DIP2C: variants seen among roughly 807,000 people sequenced by gnomAD.
DIP2C encodes disco-interacting protein 2 homolog C.
DIP2C carries 33 observed loss-of-function variants against 192.4 expected under a neutral mutation model. The observed-to-expected ratio is 0.17, with a 90% CI of 0.13 to 0.23. The LOEUF is 0.23. Among genes scored for constraint, DIP2C ranks in the 10% least tolerant of loss-of-function variants. The pLI is 1.00. For synonymous variants in DIP2C, 979 were observed against 864.1 expected (o/e 1.13, Z -2.33); for missense variants, 1,537 against 2,110.1 (o/e 0.73, Z 5.32).
chr10:434,544 G>A (rs112424118), intron 4 of DIP2C, among the ~76,000 whole-genome samples: 6 of 152,168 alleles, frequency 3.9e-5, no homozygotes, highest in African/African-American at 1.4e-4. Flanking sequence ...GAGTGTTAGG[G>A]TGACAGGTGT....
chr10:649,318 C>T (rs561887330), intron 1 of DIP2C, among the ~76,000 whole-genome samples: 13 of 149,820 alleles, frequency 8.7e-5, no homozygotes, highest in Non-Finnish European at 1.8e-4. Flanking sequence ...ACTGAGTCCA[C>T]GTCCACATTG....
intron 29 of DIP2C, among the ~76,000 whole-genome samples, chr10:330,980 T>C (rs1336561918): frequency 0.2 from 69 of 342 alleles, no homozygotes; most frequent in Admixed American, 0.22. Flanking sequence ...CCTGGCTAAT[T>C]TTTTTTTTTT....
chr10:622,874 G>A (rs1241709853), intron 1 of DIP2C, among the ~76,000 whole-genome samples: 1 of 152,204 alleles, frequency 6.6e-6, no homozygotes, highest in Non-Finnish European at 1.5e-5. Context: ...GGTATGGGGT[G>A]ATGGGGATAC....
rs564999275 is a variant in DIP2C, at chr10:339,908, G to C, written c.3584+1291C>G. Among the ~76,000 whole-genome samples the C allele has an allele frequency of 4.0e-4, 61 of 152,278 alleles. 1 individual carries two copies. In the South Asian group the frequency reaches 0.012, roughly 31 times the overall value. ...ATTTGTTCCAGAAGAGTGTTGACAG[G>C]AGAAAAAAATCTGACTGGGTGCGGT... On this transcript the variant is annotated intron_variant, in intron 29 of 36. Coordinates refer to ENST00000280886, the MANE Select transcript of DIP2C (RefSeq NM_014974.3).
intron 1 of DIP2C, among the ~76,000 whole-genome samples, chr10:616,903 G>C (rs1853506686): frequency 6.6e-6 from 1 of 152,208 alleles, no homozygotes; most frequent in Non-Finnish European, 1.5e-5. Flanking sequence ...TAACAGGCCA[G>C]ACAGGACAAG....
At chr10:474,132 T>C (rs541407460) in intron 2 of DIP2C, among the ~76,000 whole-genome samples, 2 of 152,236 alleles carry the variant, frequency 1.3e-5, no homozygotes, top group African/African-American at 4.8e-5. Flanking sequence ...AGATGCATTT[T>C]AGGAAATCAA....
intron 1 of DIP2C, among the ~76,000 whole-genome samples, chr10:583,653 C>T (rs921712706): frequency 2.0e-5 from 3 of 152,232 alleles, no homozygotes; most frequent in Admixed American, 6.5e-5. Flanking sequence ...GATCTGTGCA[C>T]GCCAAGCAGC....
At chr10:580,975 T>C (rs1850609784) in intron 1 of DIP2C, among the ~76,000 whole-genome samples, 1 of 152,184 alleles carries the variant, frequency 6.6e-6, no homozygotes, top group African/African-American at 2.4e-5. Flanking sequence ...CAAAGCCTCT[T>C]ATTTAATCGA....
intron 1 of DIP2C, among the ~76,000 whole-genome samples, chr10:647,005 G>A (rs182700590): frequency 2.6e-5 from 4 of 152,368 alleles, no homozygotes; most frequent in East Asian, 3.9e-4. Flanking sequence ...CAAGCTGGGC[G>A]AGAACAGAGG....
chr10:687,192 AAC>A lies in DIP2C; in HGVS notation c.85+2300_85+2301del, dbSNP rs564897194. The stretch of plus-strand genomic sequence containing the variant: ...TTTTTGAAGTCCAATAACATAAAGA[AAC>A]ACAGAATTTTGATCCTTCAATTCTT... On this transcript the variant is annotated intron_variant, in intron 1 of 36. Coordinates refer to ENST00000280886, the MANE Select transcript of DIP2C (RefSeq NM_014974.3). Among the ~76,000 whole-genome samples, 309 of 152,366 alleles carry A rather than the reference AAC, an allele frequency of 2.0e-3. 3 individuals carry two copies. The highest frequency in any genetic ancestry group is 6.7e-3 in the African/African-American group (277 of 41,574).
intron 31 of DIP2C, among the ~76,000 whole-genome samples, chr10:310,639 A>T (rs566534576): frequency 6.6e-6 from 1 of 152,298 alleles, no homozygotes; most frequent in South Asian, 2.1e-4. Flanking sequence ...CAGGTCAGGG[A>T]AGGGGCATTT....
At chr10:531,738 C>T (rs1206654966) in intron 1 of DIP2C, among the ~76,000 whole-genome samples, 5 of 152,036 alleles carry the variant, frequency 3.3e-5, no homozygotes, top group Admixed American at 6.5e-5. Context: ...CGCTCTGCCG[C>T]GGGACCATGA....
chr10:376,090 GCT>G (rs1379256909), intron 17 of DIP2C, among the ~76,000 whole-genome samples: 1 of 152,200 alleles, frequency 6.6e-6, no homozygotes, highest in Non-Finnish European at 1.5e-5. Context: ...GTGCTTTCAA[GCT>G]CTGTGTGTGT....
chr10:563,485 T>C (rs1454803975), intron 1 of DIP2C, among the ~76,000 whole-genome samples: 2 of 152,228 alleles, frequency 1.3e-5, no homozygotes, highest in Non-Finnish European at 2.9e-5. Context: ...TGCAATGGCA[T>C]AGTAGCTAGG....
intron 1 of DIP2C, among the ~76,000 whole-genome samples, chr10:575,712 G>A (rs540167786): frequency 2.0e-5 from 3 of 152,318 alleles, no homozygotes; most frequent in South Asian, 2.1e-4. Flanking sequence ...ACAGCACAGA[G>A]GAAGTCATAG....
intron 1 of DIP2C, among the ~76,000 whole-genome samples, chr10:524,718 A>G (rs561039345): frequency 1.3e-5 from 2 of 152,312 alleles, no homozygotes; most frequent in East Asian, 3.9e-4. Context: ...AATCACTTTC[A>G]CTGAGAGATT....
intron 24 of DIP2C, among the ~76,000 whole-genome samples, chr10:351,917 C>T (rs997561860): frequency 2.0e-5 from 3 of 152,156 alleles, no homozygotes; most frequent in African/African-American, 7.2e-5. Flanking sequence ...AAGTCCACCC[C>T]GACTCCAGGG....
chr10:672,681 A>C (rs188956071), intron 1 of DIP2C, among the ~76,000 whole-genome samples: 1 of 152,366 alleles, frequency 6.6e-6, no homozygotes, highest in Admixed American at 6.5e-5. Context: ...AAGAGTGGTC[A>C]CTTTTCCTGT....
intron 1 of DIP2C, among the ~76,000 whole-genome samples, chr10:552,474 T>G (rs1034190282): frequency 1.3e-5 from 2 of 152,246 alleles, no homozygotes; most frequent in Non-Finnish European, 2.9e-5. Flanking sequence ...TATTTAAGTG[T>G]TCTCATAGAC....
Sources: allele counts gnomAD v4.1 joint callset (sites outside exome capture counted in the v4.1 genomes callset), GRCh38; gene constraint gnomAD v4.1.1; transcripts MANE v1.5; gene names NCBI Gene and HGNC (gene_info 2026-07-23, HGNC 2026-07-21).